The following NUDT19 variants were observed in gnomAD, a reference collection of about 807,000 sequenced individuals.
NUDT19 encodes the protein nudix hydrolase 19.
A neutral mutation model predicts 22.2 loss-of-function variants in NUDT19; 31 were observed. The observed-to-expected ratio is 1.40, with a 90% CI of 1.05 to 1.89. The LOEUF (loss-of-function observed/expected upper bound fraction) is 1.89, where lower values mean the gene tolerates loss of function less well. NUDT19 is among the 40% of genes most tolerant of loss of function. The probability of loss-of-function intolerance (pLI) is 0.00; values close to 1 mark genes in which losing one functional copy is unlikely to be tolerated. For missense variants in NUDT19, 752 were observed against 514.2 expected (o/e 1.46, Z -4.47); for synonymous variants, 325 against 230.8 (o/e 1.41, Z -3.70).
At chr19:32,702,477 C>T (rs887434709) in intron 1 of NUDT19, among the ~76,000 whole-genome samples, 5 of 152,082 alleles carry the variant, frequency 3.3e-5, no homozygotes, top group Admixed American at 2.0e-4. Flanking sequence ...TAAATTTTTT[C>T]CCACCAGCCT....
At position 32,692,137 on chromosome 19, in the gene NUDT19, G is replaced by C; in HGVS notation, c.177G>C (p.Ala59=). Residue 59 remains alanine (A), a synonymous_variant, in exon 1 of 3, where the codon GCG becomes GCC. Transcript: ENST00000397061. Reference sequence around the variant, plus strand: ...CGCACCAAGGCTTCATGCCGGGCGCGCACGTCTTCTCCGGCGGAGTGCTGG... The same window carrying C: ...CGCACCAAGGCTTCATGCCGGGCGCCCACGTCTTCTCCGGCGGAGTGCTGG... ...RSPHQGFMPG[A]HVFSGGVLDA... is the part of the protein sequence containing the mutation. 2 of 1,485,122 alleles carry C rather than the reference G, an allele frequency of 1.3e-6. No homozygotes were observed. Among genetic ancestry groups the C allele is most frequent in the Non-Finnish European group, 1.8e-6 (2 of 1,126,906 alleles). The allele number at this position is 1,485,122 out of a possible 1,614,324, so 92.0% of individuals were successfully genotyped here.
At position 32,711,951 on chromosome 19, in the gene NUDT19, T is replaced by G; in HGVS notation, c.1122T>G (p.His374Gln). ...YPKNSVVRKS[H>Q]L ...AGAACTCTGTAGTAAGAAAAAGCCATTTGTAGGGTGCTTAAGCTTGTTTGT... is the reference window on the plus strand; with the variant it reads ...AGAACTCTGTAGTAAGAAAAAGCCAGTTGTAGGGTGCTTAAGCTTGTTTGT... The change falls in exon 3 of 3, where the codon CAT becomes CAG. Residue 374 changes from histidine to glutamine, a missense_variant. Transcript: ENST00000397061. 5 of 1,609,568 alleles carry G rather than the reference T, an allele frequency of 3.1e-6. No individual in the cohort carries two copies. The highest frequency in any genetic ancestry group is 4.3e-6 in the Non-Finnish European group (5 of 1,176,054).
At chr19:32,697,863 G>A (rs894745778) in intron 1 of NUDT19, among the ~76,000 whole-genome samples, 1 of 152,174 alleles carries the variant, frequency 6.6e-6, no homozygotes, top group Non-Finnish European at 1.5e-5. Context: ...GCCTTGATCT[G>A]CTTAAAATCA....
At chr19:32,692,724 G>T in intron 1 of NUDT19, 50 bp downstream of exon 1, 1 of 1,364,950 alleles carries the variant, frequency 7.3e-7, no homozygotes, top group Non-Finnish European at 9.5e-7. Context: ...GTGAGAGGGA[G>T]GACCCCTCCC....
intron 1 of NUDT19, among the ~76,000 whole-genome samples, chr19:32,693,942 AG>A (rs1465757202): frequency 6.6e-6 from 1 of 152,204 alleles, no homozygotes; most frequent in African/African-American, 2.4e-5. Context: ...GGGGCAAAGA[AG>A]GGGCCCTGCA....
intron 1 of NUDT19, among the ~76,000 whole-genome samples, chr19:32,707,732 A>C (rs1395905273): frequency 6.6e-6 from 1 of 152,058 alleles, no homozygotes; most frequent in Non-Finnish European, 1.5e-5. Flanking sequence ...TAATCCCAGC[A>C]CTTTGAGAGG....
intron 1 of NUDT19, among the ~76,000 whole-genome samples, chr19:32,702,356 T>G (rs1177943016): frequency 6.6e-6 from 1 of 152,248 alleles, no homozygotes; most frequent in Non-Finnish European, 1.5e-5. Flanking sequence ...CCTTTGTATC[T>G]ACTTTAATTT....
intron 1 of NUDT19, among the ~76,000 whole-genome samples, chr19:32,707,896 T>C (rs1968404059): frequency 6.7e-6 from 1 of 149,968 alleles, no homozygotes; most frequent in South Asian, 2.1e-4. Flanking sequence ...GAGAATGGCA[T>C]GAACCCAGGA....
chr19:32,705,468 A>G (rs1326828782), intron 1 of NUDT19, among the ~76,000 whole-genome samples: 2 of 152,072 alleles, frequency 1.3e-5, no homozygotes, highest in Non-Finnish European at 2.9e-5. Flanking sequence ...GACATTTCCT[A>G]GCAAGCAGTT....
At chr19:32,696,394 G>A (rs1968263890) in intron 1 of NUDT19, among the ~76,000 whole-genome samples, 1 of 138,742 alleles carries the variant, frequency 7.2e-6, no homozygotes, top group Non-Finnish European at 1.6e-5. Flanking sequence ...GTTTCCTTAG[G>A]TATGCCACTG....
At chr19:32,700,740 C>G (rs1371428484) in intron 1 of NUDT19, among the ~76,000 whole-genome samples, 2 of 151,958 alleles carry the variant, frequency 1.3e-5, no homozygotes, top group East Asian at 1.9e-4. Flanking sequence ...CAGTTTCAGT[C>G]TTTTAAAATT....
At chr19:32,694,273 C>T (rs1023899900) in intron 1 of NUDT19, among the ~76,000 whole-genome samples, 2 of 152,126 alleles carry the variant, frequency 1.3e-5, no homozygotes, top group Non-Finnish European at 2.9e-5. Context: ...AAATGCCGGG[C>T]GGCATCTTGC....
chr19:32,703,025 G>C (rs1219699502), intron 1 of NUDT19, among the ~76,000 whole-genome samples: 2 of 151,632 alleles, frequency 1.3e-5, no homozygotes, highest in African/African-American at 4.8e-5. Context: ...TTTTGAGACA[G>C]TGTTTCACTC....
Position 32,692,270 on chromosome 19 carries a change from C to G in NUDT19, c.310C>G (p.Leu104Val). ...APFSRTAFPSLPDTDDHKTDN... is the reference protein window; with the variant it reads ...APFSRTAFPSVPDTDDHKTDN... The stretch of plus-strand genomic sequence containing the variant: ...ATTCAGCCGCACCGCTTTCCCGTCG[C>G]TGCCCGACACCGATGACCACAAGAC... Residue 104 changes from leucine (L) to valine (V), a missense_variant, in exon 1 of 3, where the codon CTG becomes GTG. Transcript: ENST00000397061. 6.3e-7 allele frequency: 1 copy of G among 1,592,478 alleles called. No homozygotes were observed. Among genetic ancestry groups the G allele is most frequent in the Non-Finnish European group, 8.5e-7 (1 of 1,177,590 alleles).
At chr19:32,697,685 G>C (rs1968281072) in intron 1 of NUDT19, among the ~76,000 whole-genome samples, 1 of 152,108 alleles carries the variant, frequency 6.6e-6, no homozygotes, top group Admixed American at 6.6e-5. Flanking sequence ...AAGATACCAG[G>C]TATCTCCAAA....
chr19:32,694,065 A>G (rs1968235972), intron 1 of NUDT19, among the ~76,000 whole-genome samples: 1 of 152,192 alleles, frequency 6.6e-6, no homozygotes, highest in African/African-American at 2.4e-5. Context: ...TTCCGTTTGT[A>G]AGACCATCTG....
At chr19:32,702,773 A>G (rs562529340) in intron 1 of NUDT19, among the ~76,000 whole-genome samples, 2 of 152,098 alleles carry the variant, frequency 1.3e-5, no homozygotes, top group African/African-American at 4.8e-5. Flanking sequence ...GTTCCCATCT[A>G]TTTGTACTGT....
Position 32,712,785 on chromosome 19 carries a change from T to G in NUDT19, c.*828T>G, listed in dbSNP as rs1968463345. ...CACACGTATAAAGTTTATAACGTAT[T>G]AATGATCTCATTACCCAAAACCAGA... On this transcript the variant is annotated 3_prime_UTR_variant, in exon 3 of 3. Transcript: ENST00000397061. 6.6e-6 allele frequency: 1 copy of G among 152,236 alleles called. No homozygotes were observed. Among genetic ancestry groups the G allele is most frequent in the Non-Finnish European group, 1.5e-5 (1 of 68,036 alleles). The allele number at this position is 152,236 out of a possible 1,614,324, so 9.4% of individuals were successfully genotyped here. A position where few individuals can be genotyped will look rare whatever the true frequency, so the allele number is the denominator to read the frequency against.
rs763556345 is a variant in NUDT19, at chr19:32,692,338, C to G, written c.378C>G (p.Ile126Met). ...TGCCTGAGGACGTAGCCTTCCGCAT[C>G]TGCGCCGTGCGGGAGGCCTTTGAGG... ...GTLPEDVAFR[I>M]CAVREAFEEA... is the part of the protein sequence containing the mutation. The change falls in exon 1 of 3, where the codon ATC (isoleucine) becomes ATG (methionine). Residue 126 changes from isoleucine (I) to methionine (M), a missense_variant. Transcript: ENST00000397061. 7.5e-6 allele frequency: 12 copies of G among 1,591,648 alleles called. No individual in the cohort carries two copies. In the Admixed American group the frequency reaches 2.0e-4, roughly 27 times the overall value.
Sources: gnomAD v4.1 joint callset for allele counts (sites outside exome capture counted in the v4.1 genomes callset) on GRCh38, gnomAD v4.1.1 for gene constraint, MANE v1.5 for transcripts, NCBI Gene and HGNC (gene_info 2026-07-23, HGNC 2026-07-21) for gene names.